Variants in GDA observed in about 807,000 individuals in gnomAD.
GDA encodes cytoplasmic PSD-95 interactor.
Under a neutral mutation model 59.6 loss-of-function variants are expected in GDA, and 18 were observed. That is an observed-to-expected ratio of 0.30 (90% CI 0.21 to 0.45). The LOEUF (loss-of-function observed/expected upper bound fraction) is 0.45, where lower values mean the gene tolerates loss of function less well. GDA is among the 20% of genes least tolerant of loss of function. The pLI is 1.00. For synonymous variants in GDA, 201 were observed against 201.1 expected, an observed-to-expected ratio of 1.00 and a Z score of 0.00; for missense variants, 427 against 552.3, an observed-to-expected ratio of 0.77 and a Z score of 2.27.
chr9:72,133,298 A>AAT (rs1554722389), intron 1 of GDA, among the ~76,000 whole-genome samples: 26 of 134,940 alleles, frequency 1.9e-4, no homozygotes, highest in African/African-American at 6.6e-4. Flanking sequence ...AAAAAAAAAA[A>AAT]AAAAAAAAAA....
chr9:72,255,460 G>A (rs1360268587), downstream of GDA, among the ~76,000 whole-genome samples: 2 of 152,084 alleles, frequency 1.3e-5, no homozygotes, highest in African/African-American at 4.8e-5. Flanking sequence ...GCAAGGTTGT[G>A]ACCAGAAAAC....
intron 3 of GDA, among the ~76,000 whole-genome samples, chr9:72,209,533 GT>G (rs960114318): frequency 1.3e-5 from 2 of 151,572 alleles, no homozygotes. Flanking sequence ...AGTCATAGTT[GT>G]TTTTTTTAAC....
rs1452742845 is a variant in GDA at position 72,230,865 on chromosome 9, G to A, written c.921-249G>A. Among the ~76,000 whole-genome samples, 6 of 152,172 alleles carry A rather than the reference G, an allele frequency of 3.9e-5. No homozygotes were observed. In the East Asian group the frequency reaches 1.2e-3, roughly 29 times the overall value. ...TTTTTTCCCATACAAACGATCCCCT[G>A]CTTTTCCTTCTGGCTCTTGCTGCTT... On this transcript the variant is annotated intron_variant, in intron 9 of 13. Coordinates refer to ENST00000358399, the MANE Select transcript of GDA (RefSeq NM_004293.5).
chr9:72,218,895 T>C (rs1282135772), intron 5 of GDA, among the ~76,000 whole-genome samples: 1 of 152,196 alleles, frequency 6.6e-6, no homozygotes, highest in African/African-American at 2.4e-5. Flanking sequence ...GCTTGAGTGC[T>C]GTGGGAATAT....
intron 1 of GDA, among the ~76,000 whole-genome samples, chr9:72,165,836 T>G (rs1394016058): frequency 1.3e-5 from 2 of 150,734 alleles, no homozygotes; most frequent in African/African-American, 2.4e-5. Flanking sequence ...AGGTGGAGGT[T>G]GCAGTGAGCT....
intron 1 of GDA, among the ~76,000 whole-genome samples, chr9:72,179,433 CAGAG>C (rs1293507407): frequency 6.6e-6 from 1 of 152,114 alleles, no homozygotes; most frequent in East Asian, 1.9e-4. Context: ...AATGGTAAAT[CAGAG>C]AGGTTAAGGG....
At chr9:72,139,122 A>G (rs1008476903) in intron 1 of GDA, among the ~76,000 whole-genome samples, 9 of 152,210 alleles carry the variant, frequency 5.9e-5, no homozygotes, top group African/African-American at 2.2e-4. Flanking sequence ...TAAGGTTAGC[A>G]AGTAAAAATT....
intron 5 of GDA, among the ~76,000 whole-genome samples, chr9:72,215,601 G>T (rs1264136041): frequency 6.6e-6 from 1 of 152,030 alleles, no homozygotes; most frequent in Non-Finnish European, 1.5e-5. Context: ...TTCTGCTTTG[G>T]TTCTACATCT....
At chr9:72,183,431 G>T (rs1440011250) in intron 1 of GDA, among the ~76,000 whole-genome samples, 1 of 151,954 alleles carries the variant, frequency 6.6e-6, no homozygotes, top group Non-Finnish European at 1.5e-5. Flanking sequence ...GGATCCACCA[G>T]GCCCACCTGC....
intron 12 of GDA, among the ~76,000 whole-genome samples, chr9:72,245,936 T>C (rs2131837513): frequency 6.6e-6 from 1 of 152,354 alleles, no homozygotes; most frequent in Admixed American, 6.5e-5. Context: ...AAGAATTAAG[T>C]ATTGCCATTT....
chr9:72,233,549 G>T (rs989385822), intron 10 of GDA, among the ~76,000 whole-genome samples: 4 of 152,162 alleles, frequency 2.6e-5, no homozygotes, highest in African/African-American at 9.7e-5. Context: ...AGAATGTTTT[G>T]GGAGTTTCTT....
intron 1 of GDA, among the ~76,000 whole-genome samples, chr9:72,166,806 AT>A (rs1829369492): frequency 6.6e-6 from 1 of 151,968 alleles, no homozygotes; most frequent in South Asian, 2.1e-4. Context: ...CATACTCATC[AT>A]TTCCTCTAGA....
chr9:72,191,089 A>G (rs934275677), intron 1 of GDA, among the ~76,000 whole-genome samples: 5 of 152,226 alleles, frequency 3.3e-5, no homozygotes, highest in African/African-American at 1.2e-4. Context: ...TTTACATATT[A>G]ATCAATCAAA....
At chr9:72,241,747 G>A (rs554252156) in intron 11 of GDA, among the ~76,000 whole-genome samples, 1 of 152,162 alleles carries the variant, frequency 6.6e-6, no homozygotes, top group African/African-American at 2.4e-5. Flanking sequence ...ACAAAAATTA[G>A]CTGGGCTTGG....
At chr9:72,168,629 G>A (rs533533173) in intron 1 of GDA, among the ~76,000 whole-genome samples, 1 of 152,164 alleles carries the variant, frequency 6.6e-6, no homozygotes, top group South Asian at 2.1e-4. Context: ...CTGGCTTTAA[G>A]TGATCTGCCC....
At chr9:72,190,571 TAA>T (rs901188981) in intron 1 of GDA, among the ~76,000 whole-genome samples, 10 of 152,228 alleles carry the variant, frequency 6.6e-5, no homozygotes, top group Non-Finnish European at 1.3e-4. Context: ...TATTAGTAGT[TAA>T]GTTTCTGGGA....
At chr9:72,240,809 TC>T (rs1839525767) in intron 10 of GDA, among the ~76,000 whole-genome samples, 1 of 152,180 alleles carries the variant, frequency 6.6e-6, no homozygotes, top group Non-Finnish European at 1.5e-5. Context: ...AGGAGAATTC[TC>T]CCTTAGAGCT....
chr9:72,238,219 ACT>A (rs1839234696), intron 10 of GDA, among the ~76,000 whole-genome samples: 1 of 151,614 alleles, frequency 6.6e-6, no homozygotes, highest in African/African-American at 2.4e-5. Flanking sequence ...TATAAATCAT[ACT>A]CCCTTCTCTC....
intron 1 of GDA, among the ~76,000 whole-genome samples, chr9:72,137,242 CTTTTTTTTT>C (rs143364725): frequency 3.4e-4 from 29 of 84,514 alleles, no homozygotes; most frequent in African/African-American, 1.3e-3. Context: ...TTCTTTTTTT[CTTTTTTTTT>C]TTTTTTTTTT....
Sources: allele counts gnomAD v4.1 joint callset (sites outside exome capture counted in the v4.1 genomes callset), GRCh38; gene constraint gnomAD v4.1.1; transcripts MANE v1.5; gene names NCBI Gene and HGNC (gene_info 2026-07-23, HGNC 2026-07-21).